CDH4: variants seen among roughly 807,000 people sequenced by gnomAD.
CDH4 encodes the protein cadherin-4.
CDH4 carries 33 observed loss-of-function variants against 86.0 expected under a neutral mutation model. The observed-to-expected ratio is 0.38, with a 90% CI of 0.29 to 0.51. The LOEUF is 0.51. CDH4 is among the 20% of genes least tolerant of loss of function. The pLI is 0.86. For synonymous variants in CDH4, 555 were observed against 549.4 expected, an observed-to-expected ratio of 1.01 and a Z score of -0.14; for missense variants, 1,114 against 1,307.4, an observed-to-expected ratio of 0.85 and a Z score of 2.28.
intron 2 of CDH4, among the ~76,000 whole-genome samples, chr20:61,640,037 G>T (rs769920295): frequency 1.3e-5 from 2 of 152,176 alleles, no homozygotes; most frequent in Non-Finnish European, 2.9e-5. Context: ...ACTTGGGAGA[G>T]CTGATGGGAA....
intron 2 of CDH4, among the ~76,000 whole-genome samples, chr20:61,730,148 C>A (rs980235586): frequency 6.6e-6 from 1 of 151,912 alleles, no homozygotes; most frequent in African/African-American, 2.4e-5. Flanking sequence ...ATGTCAGTAC[C>A]GACGCGTTAT....
rs541541663 is a variant in CDH4 at position 61,544,766 on chromosome 20, T to A, written c.170-198797T>A. On this transcript the variant is annotated intron_variant, in intron 2 of 15. Transcript: ENST00000614565. This position sits in a 1 kb window ranked among gnomAD's most constrained non-coding sequence, Gnocchi z 6.5. ...CACCTGAATGAATTGGCTTGGTCCA[T>A]GGACTGGAAGCCTGACTCCCCCGAC... Among the ~76,000 whole-genome samples, 5 of 152,202 alleles carry A rather than the reference T, an allele frequency of 3.3e-5. No individual in the cohort carries two copies. The highest frequency in any genetic ancestry group is 1.2e-4 in the African/African-American group (5 of 41,542).
chr20:61,783,637 T>C lies in CDH4; in HGVS notation c.576+10455T>C, dbSNP rs866190777. On this transcript the variant is annotated intron_variant, in intron 4 of 15. Coordinates refer to ENST00000614565, the MANE Select transcript of CDH4 (RefSeq NM_001794.5). Reference sequence around the variant, plus strand: ...CTGTGCTCCCAGGAGAATATAAGCCTAGTTCCTCGGGACAGTTCTCGAGGC... The same window carrying C: ...CTGTGCTCCCAGGAGAATATAAGCCCAGTTCCTCGGGACAGTTCTCGAGGC... 8.8e-3 allele frequency among the ~76,000 whole-genome samples: 950 copies of C among 108,296 alleles called. 73 individuals are homozygous for C. Among genetic ancestry groups the C allele is most frequent in the African/African-American group, 0.032 (847 of 26,528 alleles). The allele number at this position is 108,296 out of a possible 152,430, so 71.0% of individuals were successfully genotyped here.
intron 4 of CDH4, among the ~76,000 whole-genome samples, chr20:61,840,106 C>T (rs1982091206): frequency 6.6e-6 from 1 of 152,186 alleles, no homozygotes. Context: ...TGATGTACAA[C>T]AACAACTTAA....
At chr20:61,265,555 C>T (rs2084154196) in intron 2 of CDH4, among the ~76,000 whole-genome samples, 2 of 152,144 alleles carry the variant, frequency 1.3e-5, no homozygotes, top group African/African-American at 2.4e-5. Flanking sequence ...CTCAGTGGCT[C>T]CTTCACTCAA....
chr20:61,836,744 C>T (rs191634337), intron 4 of CDH4, among the ~76,000 whole-genome samples: 48 of 152,304 alleles, frequency 3.2e-4, no homozygotes, highest in African/African-American at 7.7e-4. Context: ...TTCACGTCGC[C>T]GAATCTTGCT....
At chr20:61,936,008 G>A (rs2055178639) in intron 15 of CDH4, among the ~76,000 whole-genome samples, 1 of 152,026 alleles carries the variant, frequency 6.6e-6, no homozygotes, top group Non-Finnish European at 1.5e-5. Context: ...AGGGTCACAG[G>A]AGGAGCAGGT....
intron 7 of CDH4, among the ~76,000 whole-genome samples, chr20:61,889,309 GAT>G: frequency 6.7e-6 from 1 of 150,318 alleles, no homozygotes; most frequent in East Asian, 2.0e-4. Flanking sequence ...TGGATGGATG[GAT>G]GGATGGATGG....
intron 2 of CDH4, among the ~76,000 whole-genome samples, chr20:61,404,473 C>G (rs2085068632): frequency 6.6e-6 from 1 of 152,112 alleles, no homozygotes. Flanking sequence ...ATTAAACGCA[C>G]CCAGTGCACC....
intron 2 of CDH4, among the ~76,000 whole-genome samples, chr20:61,733,647 T>TGGAA (rs35430610): frequency 1.4e-5 from 2 of 146,212 alleles, no homozygotes; most frequent in Non-Finnish European, 3.0e-5. Context: ...GATGGATGAA[T>TGGAA]GGAAGGAAGG....
intron 2 of CDH4, among the ~76,000 whole-genome samples, chr20:61,674,477 G>T (rs1375130674): frequency 6.6e-6 from 1 of 152,190 alleles, no homozygotes; most frequent in Non-Finnish European, 1.5e-5. Context: ...CAGGGAGCAG[G>T]AGAAGCCGGC....
chr20:61,826,957 G>A (rs1292596780), intron 4 of CDH4, among the ~76,000 whole-genome samples: 1 of 133,986 alleles, frequency 7.5e-6, no homozygotes, highest in Non-Finnish European at 1.6e-5. Context: ...ATTTAAGAAG[G>A]GAAAAGTGTG....
Position 61,629,799 on chromosome 20 carries a change from C to T in CDH4, c.170-113764C>T, listed in dbSNP as rs76662517. 3.8e-3 allele frequency among the ~76,000 whole-genome samples: 578 copies of T among 152,330 alleles called. 22 individuals are homozygous for T. In the East Asian group the frequency reaches 0.093, roughly 25 times the overall value. On this transcript the variant is annotated intron_variant, in intron 2 of 15. Coordinates refer to ENST00000614565, the MANE Select transcript of CDH4 (RefSeq NM_001794.5). Reference sequence around the variant, plus strand: ...CTCGGTGCCCAGCGTGTCCAGGTTCCGTCCTCCCTGCAGCCTGGAGCCTGA... The same window carrying T: ...CTCGGTGCCCAGCGTGTCCAGGTTCTGTCCTCCCTGCAGCCTGGAGCCTGA...
At chr20:61,382,773 A>G (rs1292551888) in intron 2 of CDH4, among the ~76,000 whole-genome samples, 2 of 152,040 alleles carry the variant, frequency 1.3e-5, no homozygotes, top group Non-Finnish European at 2.9e-5. Context: ...CCTTCTTGAG[A>G]GGTCACCTAT....
At chr20:61,557,583 T>G (rs2086186972) in intron 2 of CDH4, among the ~76,000 whole-genome samples, 1 of 152,190 alleles carries the variant, frequency 6.6e-6, no homozygotes, top group Non-Finnish European at 1.5e-5. Flanking sequence ...TTTGGATAGC[T>G]TAGAGGAATG....
chr20:61,795,188 G>T, intron 4 of CDH4, among the ~76,000 whole-genome samples: 1 of 149,142 alleles, frequency 6.7e-6, no homozygotes, highest in Non-Finnish European at 1.5e-5. Flanking sequence ...TTAAGAGGAG[G>T]ACAAGGGCTA....
At chr20:61,500,185 A>T (rs1440646340) in intron 2 of CDH4, among the ~76,000 whole-genome samples, 1 of 152,094 alleles carries the variant, frequency 6.6e-6, no homozygotes, top group Admixed American at 6.5e-5. Context: ...TGTTCATACT[A>T]CTGTTGTGTT....
chr20:61,905,166 GC>G lies in CDH4; in HGVS notation c.1189-5254del, dbSNP rs1237290911. ...AATACCTGCCTTTTCATCCCAAGGG[GC>G]CTGAGAGGCTTTCCTTGTGTCGGAA... On this transcript the variant is annotated intron_variant, in intron 8 of 15. Coordinates refer to ENST00000614565, the MANE Select transcript of CDH4 (RefSeq NM_001794.5). Among the ~76,000 whole-genome samples the G allele has an allele frequency of 3.3e-5, 5 of 152,332 alleles. No individual in the cohort carries two copies. The Middle Eastern group carries it at 0.014, about 415-fold the overall frequency.
intron 2 of CDH4, among the ~76,000 whole-genome samples, chr20:61,328,856 TAGCTCTG>T (rs1304075356): frequency 6.6e-6 from 1 of 152,226 alleles, no homozygotes; most frequent in Non-Finnish European, 1.5e-5. Flanking sequence ...CCTTTCCTAT[TAGCTCTG>T]AATGATGAAA....
Sources: allele counts gnomAD v4.1 joint callset (sites outside exome capture counted in the v4.1 genomes callset), GRCh38; gene constraint gnomAD v4.1.1; non-coding constraint Gnocchi (gnomAD v3.1); transcripts MANE v1.5; gene names NCBI Gene and HGNC (gene_info 2026-07-23, HGNC 2026-07-21).